KIAA1217: variants seen among roughly 807,000 people sequenced by gnomAD.
KIAA1217 encodes the protein KIAA1217, also known as sickle tail protein homolog.
KIAA1217 carries 88 observed loss-of-function variants against 163.9 expected under a neutral mutation model. That is an observed-to-expected ratio of 0.54 (90% CI 0.45 to 0.64). The LOEUF (loss-of-function observed/expected upper bound fraction) is 0.64. Among genes scored for constraint, KIAA1217 ranks in the 30% least tolerant of loss-of-function variants. KIAA1217 has a pLI of 0.00. For missense variants in KIAA1217, 2,372 were observed against 2,475.0 expected, an observed-to-expected ratio of 0.96 and a Z score of 0.88; for synonymous variants, 903 against 923.1, an observed-to-expected ratio of 0.98 and a Z score of 0.39.
At chr10:24,110,647 C>G (rs918007458) in intron 2 of KIAA1217, among the ~76,000 whole-genome samples, 1 of 150,948 alleles carries the variant, frequency 6.6e-6, no homozygotes, top group African/African-American at 2.4e-5. Flanking sequence ...AATTTCTCTA[C>G]CTAAAACAAA....
chr10:23,748,528 AGAGGG>A (rs148781004), intron 1 of KIAA1217, among the ~76,000 whole-genome samples: 2 of 109,662 alleles, frequency 1.8e-5, no homozygotes, highest in East Asian at 3.2e-4. Context: ...GAAAGGAAGG[AGAGGG>A]GAGGGGAGGA....
At chr10:23,846,734 C>T (rs545517797) in intron 1 of KIAA1217, among the ~76,000 whole-genome samples, 4 of 152,156 alleles carry the variant, frequency 2.6e-5, no homozygotes, top group Non-Finnish European at 5.9e-5. Flanking sequence ...ATTTCTTTCT[C>T]TTGCCTAATT....
At chr10:24,153,616 A>G (rs1007981984) in intron 2 of KIAA1217, among the ~76,000 whole-genome samples, 1 of 152,174 alleles carries the variant, frequency 6.6e-6, no homozygotes, top group African/African-American at 2.4e-5. Context: ...AATGAATTCC[A>G]CTGACCTGTA....
In KIAA1217 at chr10:24,438,388, A is replaced by G. The variant is rs61735610; in HGVS notation, c.755A>G (p.Asn252Ser). The G allele has an allele frequency of 5.8e-5, 94 of 1,610,138 alleles. No individual in the cohort carries two copies. The highest frequency in any genetic ancestry group is 1.4e-5 in the Non-Finnish European group (17 of 1,176,604). Residue 252 changes from asparagine (N) to serine (S), a missense_variant and splice_region_variant, in exon 5 of 21, where the codon AAC becomes AGC. Coordinates refer to ENST00000376454, the MANE Select transcript of KIAA1217 (RefSeq NM_019590.5). Reference protein sequence around the residue: ...NVYYELNDVRNIQDRSLLKVY... With the variant: ...NVYYELNDVRSIQDRSLLKVY... Reference sequence around the variant, plus strand: ...GTTATCGATGTTTTTGATTCCAGGAACATTCAAGACAGATCACTCCTCAAA... The same window carrying G: ...GTTATCGATGTTTTTGATTCCAGGAGCATTCAAGACAGATCACTCCTCAAA...
intron 2 of KIAA1217, among the ~76,000 whole-genome samples, chr10:24,040,733 G>T (rs1051054465): frequency 3.9e-5 from 6 of 152,100 alleles, no homozygotes; most frequent in Non-Finnish European, 7.4e-5. Flanking sequence ...TGGACTCTGT[G>T]GTCTGAGTGA....
Position 24,528,029 on chromosome 10 carries a change from A to G in KIAA1217, c.2992A>G (p.Ile998Val), listed in dbSNP as rs142423558. ...GCTCCTAGAAGAAGCTCAGGCCAATATCATGAAGTCAATACCAAATCTGGA... is the reference window on the plus strand; with the variant it reads ...GCTCCTAGAAGAAGCTCAGGCCAATGTCATGAAGTCAATACCAAATCTGGA... ...EKLLEEAQANIMKSIPNLEMP... is the reference protein window; with the variant it reads ...EKLLEEAQANVMKSIPNLEMP... Residue 998 changes from isoleucine (I) to valine (V), a missense_variant, in exon 14 of 21, where the codon ATC becomes GTC. Coordinates refer to ENST00000376454, the MANE Select transcript of KIAA1217 (RefSeq NM_019590.5). 8 of 1,614,052 alleles carry G rather than the reference A, an allele frequency of 5.0e-6. No individual in the cohort carries two copies. The highest frequency in any genetic ancestry group is 6.8e-6 in the Non-Finnish European group (8 of 1,180,020).
chr10:24,402,710 A>G (rs1479572985), intron 3 of KIAA1217, among the ~76,000 whole-genome samples: 2 of 152,088 alleles, frequency 1.3e-5, no homozygotes, highest in Non-Finnish European at 2.9e-5. Flanking sequence ...AAATAGAACC[A>G]CCCAAATACG....
At chr10:24,146,829 A>G (rs540172636) in intron 2 of KIAA1217, among the ~76,000 whole-genome samples, 1 of 152,186 alleles carries the variant, frequency 6.6e-6, no homozygotes, top group Non-Finnish European at 1.5e-5. Flanking sequence ...CCAAAGATGG[A>G]GAGACAAAGC....
intron 2 of KIAA1217, among the ~76,000 whole-genome samples, chr10:24,062,676 A>C (rs1766122317): frequency 6.6e-6 from 1 of 151,908 alleles, no homozygotes; most frequent in South Asian, 2.1e-4. Flanking sequence ...GCTGGGTCAA[A>C]TGGTATTTCT....
intron 1 of KIAA1217, among the ~76,000 whole-genome samples, chr10:23,791,254 G>A (rs1187113613): frequency 6.6e-6 from 1 of 152,044 alleles, no homozygotes; most frequent in Non-Finnish European, 1.5e-5. Context: ...AATGAAAAAT[G>A]TCAAACCTAT....
At chr10:23,921,635 A>C (rs551354603) in intron 1 of KIAA1217, among the ~76,000 whole-genome samples, 1 of 152,234 alleles carries the variant, frequency 6.6e-6, no homozygotes, top group African/African-American at 2.4e-5. Flanking sequence ...GGGGCTGAGC[A>C]TGTTATTCTT....
At chr10:23,880,135 T>C (rs1840885490) in intron 1 of KIAA1217, among the ~76,000 whole-genome samples, 2 of 151,728 alleles carry the variant, frequency 1.3e-5, no homozygotes, top group Non-Finnish European at 2.9e-5. Context: ...GAAATACACA[T>C]AAGGAAAAAT....
chr10:23,767,197 A>G (rs1488636356), intron 1 of KIAA1217, among the ~76,000 whole-genome samples: 1 of 152,232 alleles, frequency 6.6e-6, no homozygotes, highest in Non-Finnish European at 1.5e-5. Context: ...GTGCATCCTG[A>G]GAATTACAGC....
At chr10:23,764,461 C>T (rs937642113) in intron 1 of KIAA1217, among the ~76,000 whole-genome samples, 23 of 152,110 alleles carry the variant, frequency 1.5e-4, no homozygotes, top group African/African-American at 5.6e-4. Flanking sequence ...ACTCAAAGGA[C>T]TATAAATCAT....
chr10:23,705,120 T>C (rs139930838), intron 1 of KIAA1217, among the ~76,000 whole-genome samples: 1,821 of 152,304 alleles, frequency 0.012, 38 homozygotes, highest in Admixed American at 0.013. Flanking sequence ...TTCAAATTCA[T>C]TGTCAACTTT....
chr10:24,392,957 T>G (rs2055187338), intron 3 of KIAA1217, among the ~76,000 whole-genome samples: 1 of 152,222 alleles, frequency 6.6e-6, no homozygotes, highest in African/African-American at 2.4e-5. Flanking sequence ...TAATTAAAAG[T>G]TTCTGGCTGA....
intron 2 of KIAA1217, among the ~76,000 whole-genome samples, chr10:24,170,000 G>C (rs1174856986): frequency 2.6e-5 from 4 of 152,182 alleles, no homozygotes; most frequent in Non-Finnish European, 5.9e-5. Context: ...ATATCTGATA[G>C]CAGTGGTTGA....
At chr10:24,420,170 A>G (rs2058617276) in intron 3 of KIAA1217, among the ~76,000 whole-genome samples, 1 of 152,218 alleles carries the variant, frequency 6.6e-6, no homozygotes, top group Non-Finnish European at 1.5e-5. Flanking sequence ...CACCAGCAGT[A>G]AATAACAGGC....
At chr10:23,815,829 C>T (rs756553213) in intron 1 of KIAA1217, among the ~76,000 whole-genome samples, 15 of 152,032 alleles carry the variant, frequency 9.9e-5, no homozygotes, top group African/African-American at 1.9e-4. Context: ...TAAGAAATTT[C>T]GTTTACGAAG....
Sources: gnomAD v4.1 joint callset for allele counts (sites outside exome capture counted in the v4.1 genomes callset) on GRCh38, gnomAD v4.1.1 for gene constraint, MANE v1.5 for transcripts, NCBI Gene and HGNC (gene_info 2026-07-23, HGNC 2026-07-21) for gene names.